Variants in CSMD1 observed in about 807,000 individuals in gnomAD.
CSMD1 encodes the protein CUB and sushi domain-containing protein 1.
Under a neutral mutation model 417.5 loss-of-function variants are expected in CSMD1, and 213 were observed. The observed-to-expected ratio is 0.51, with a 90% CI of 0.46 to 0.57. CSMD1 has a LOEUF of 0.57. CSMD1 is among the 20% of genes least tolerant of loss of function. The probability of loss-of-function intolerance (pLI) is 0.00; values close to 1 mark genes in which losing one functional copy is unlikely to be tolerated. For missense variants in CSMD1, 6,923 were observed against 4,529.7 expected (o/e 1.53, Z -15.17); for synonymous variants, 2,862 against 1,736.8 (o/e 1.65, Z -16.11).
At chr8:4,913,210 G>C in intron 1 of CSMD1, among the ~76,000 whole-genome samples, 1 of 152,162 alleles carries the variant, frequency 6.6e-6, no homozygotes, top group East Asian at 1.9e-4. Context: ...TAGTAGCGTT[G>C]CTGTTAGGTA....
intron 5 of CSMD1, among the ~76,000 whole-genome samples, chr8:3,887,105 G>C (rs1218303349): frequency 6.6e-6 from 1 of 152,170 alleles, no homozygotes; most frequent in African/African-American, 2.4e-5. Context: ...GAAAAGTAGA[G>C]GGTGGGACTT....
chr8:3,475,864 T>G (rs1817375898), intron 11 of CSMD1, among the ~76,000 whole-genome samples: 2 of 152,230 alleles, frequency 1.3e-5, no homozygotes, highest in African/African-American at 4.8e-5. Flanking sequence ...GTAACTAAAC[T>G]CTTTCCAATG....
At chr8:4,450,824 C>T (rs75762052) in intron 2 of CSMD1, among the ~76,000 whole-genome samples, 1 of 151,966 alleles carries the variant, frequency 6.6e-6, no homozygotes, top group Non-Finnish European at 1.5e-5. Context: ...AAACATACTG[C>T]ACTTGTGAGT....
At chr8:3,255,456 G>A (rs1221387976) in intron 26 of CSMD1, among the ~76,000 whole-genome samples, 1 of 152,222 alleles carries the variant, frequency 6.6e-6, no homozygotes, top group East Asian at 1.9e-4. Flanking sequence ...TCTGTGCCCT[G>A]CCCCCAGAGG....
At position 4,634,992 on chromosome 8, in the gene CSMD1, C is replaced by A. The variant is rs187608670; in HGVS notation, c.302+2350G>T. Among the ~76,000 whole-genome samples, 22 of 152,172 alleles carry A rather than the reference C, an allele frequency of 1.4e-4. No individual in the cohort carries two copies. In the East Asian group the frequency reaches 3.9e-3, roughly 27 times the overall value. ...AACGTCTCCTCAAAATGGCATTCTA[C>A]GTATGCGGATAGGAGGAAGAAATAT... On this transcript the variant is annotated intron_variant, in intron 2 of 69. Coordinates refer to ENST00000635120, the MANE Select transcript of CSMD1 (RefSeq NM_033225.6).
intron 5 of CSMD1, among the ~76,000 whole-genome samples, chr8:3,757,957 T>A (rs1563347468): frequency 6.6e-6 from 1 of 152,130 alleles, no homozygotes; most frequent in Non-Finnish European, 1.5e-5. Context: ...AAAAAATGCG[T>A]AAGTCCTGCA....
chr8:4,069,817 C>G (rs556134300), intron 3 of CSMD1, among the ~76,000 whole-genome samples: 1 of 152,202 alleles, frequency 6.6e-6, no homozygotes, highest in Admixed American at 6.5e-5. Flanking sequence ...CAACTCACTA[C>G]TGAAAGAATA....
intron 8 of CSMD1, among the ~76,000 whole-genome samples, chr8:3,614,107 A>G (rs1802023524): frequency 6.6e-6 from 1 of 152,118 alleles, no homozygotes; most frequent in Non-Finnish European, 1.5e-5. Flanking sequence ...AGACGATACA[A>G]ATAACATTTT....
chr8:3,831,172 G>C (rs1402730580), intron 5 of CSMD1, among the ~76,000 whole-genome samples: 1 of 152,134 alleles, frequency 6.6e-6, no homozygotes, highest in Non-Finnish European at 1.5e-5. Context: ...TTTATCTAGA[G>C]ACTCTACATT....
intron 3 of CSMD1, among the ~76,000 whole-genome samples, chr8:4,328,699 C>CT (rs1431785413): frequency 6.6e-6 from 1 of 152,134 alleles, no homozygotes; most frequent in African/African-American, 2.4e-5. Flanking sequence ...CTAGGAAGTG[C>CT]TTTATTAGCT....
intron 2 of CSMD1, among the ~76,000 whole-genome samples, chr8:4,626,181 T>A (rs1237449918): frequency 6.6e-6 from 1 of 152,034 alleles, no homozygotes. Flanking sequence ...CAGGCCAAGG[T>A]TTTCTTTAGC....
At chr8:3,607,259 G>A (rs1431494714) in intron 8 of CSMD1, among the ~76,000 whole-genome samples, 1 of 152,062 alleles carries the variant, frequency 6.6e-6, no homozygotes, top group Non-Finnish European at 1.5e-5. Context: ...TGTCCCACTG[G>A]GAAGTCTTCA....
rs191563937 is a variant in CSMD1, at chr8:4,228,167, C to G, written c.415+191786G>C. On this transcript the variant is annotated intron_variant, in intron 3 of 69. Coordinates refer to ENST00000635120, the MANE Select transcript of CSMD1 (RefSeq NM_033225.6). ...CATTAAATGCCACAGAAGGAAACAC[C>G]CCCTCCACCCTGCATGCAATCCCAC... Among the ~76,000 whole-genome samples, 860 of 152,118 alleles carry G rather than the reference C, an allele frequency of 5.7e-3. 2 individuals are homozygous for G. The highest frequency in any genetic ancestry group is 7.9e-3 in the Non-Finnish European group (535 of 67,986).
intron 1 of CSMD1, among the ~76,000 whole-genome samples, chr8:4,973,820 G>C (rs1258666905): frequency 1.3e-5 from 2 of 152,162 alleles, no homozygotes; most frequent in South Asian, 2.1e-4. Context: ...CCTGAACTGA[G>C]TATAGGTATA....
At chr8:4,069,146 G>C (rs762896979) in intron 3 of CSMD1, among the ~76,000 whole-genome samples, 2 of 152,128 alleles carry the variant, frequency 1.3e-5, no homozygotes, top group Non-Finnish European at 2.9e-5. Context: ...GTTCATAGGA[G>C]ACTGGTTGCA....
intron 12 of CSMD1, among the ~76,000 whole-genome samples, chr8:3,424,548 G>GT (rs1219153634): frequency 3.9e-5 from 6 of 152,186 alleles, no homozygotes; most frequent in Non-Finnish European, 5.9e-5. Context: ...TGTTCTTGTA[G>GT]TTTTTGTAAT....
chr8:3,693,021 C>A (rs979218057), intron 7 of CSMD1, among the ~76,000 whole-genome samples: 1 of 152,010 alleles, frequency 6.6e-6, no homozygotes, highest in Admixed American at 6.6e-5. Flanking sequence ...TATTGGTAAA[C>A]TCTTAAGAAG....
intron 12 of CSMD1, among the ~76,000 whole-genome samples, chr8:3,438,025 A>C (rs1277721765): frequency 6.6e-6 from 1 of 152,136 alleles, no homozygotes; most frequent in Non-Finnish European, 1.5e-5. Context: ...TATTTCTAAA[A>C]TAGAGGTTTT....
At chr8:3,176,576 A>C (rs1283291151) in intron 37 of CSMD1, among the ~76,000 whole-genome samples, 2 of 152,160 alleles carry the variant, frequency 1.3e-5, no homozygotes, top group African/African-American at 4.8e-5. Context: ...AGATCCTTAC[A>C]TTGTAAAACC....
Sources: allele counts gnomAD v4.1 joint callset (sites outside exome capture counted in the v4.1 genomes callset), GRCh38; gene constraint gnomAD v4.1.1; transcripts MANE v1.5; gene names NCBI Gene and HGNC (gene_info 2026-07-23, HGNC 2026-07-21).